The following BAZ1A variants were observed in gnomAD, a reference collection of about 807,000 sequenced individuals.
BAZ1A encodes the protein bromodomain adjacent to zinc finger domain 1A.
In BAZ1A, 50 loss-of-function variants were observed where a neutral mutation model predicts 185.2. The observed-to-expected ratio is 0.27, with a 90% CI of 0.22 to 0.34. The LOEUF (loss-of-function observed/expected upper bound fraction) is 0.34. BAZ1A is among the 10% of genes least tolerant of loss of function. BAZ1A has a pLI of 1.00. For missense variants in BAZ1A, 1,356 were observed against 1,839.9 expected (o/e 0.74, Z 4.81); for synonymous variants, 571 against 615.6 (o/e 0.93, Z 1.07).
At position 34,829,267 on chromosome 14, in the gene BAZ1A, G is replaced by GA. The variant is rs60176426; in HGVS notation, c.393-3112dup. ...GGCAACAGAGTGAGACTCTGTCTCTGAAAAAAAAAAAAAAAAAAAAAAAAG... is the reference window on the plus strand; with the variant it reads ...GGCAACAGAGTGAGACTCTGTCTCTGAAAAAAAAAAAAAAAAAAAAAAAAAG... On this transcript the variant is annotated intron_variant, in intron 3 of 26. Transcript: ENST00000360310. Among the ~76,000 whole-genome samples the GA allele has an allele frequency of 7.5e-3, 648 of 86,148 alleles. 9 individuals carry two copies. Among genetic ancestry groups the GA allele is most frequent in the East Asian group, 0.02 (58 of 2,898 alleles). 56.5% of individuals were successfully genotyped at this position (86,148 alleles called of 152,430 possible). A position where few individuals can be genotyped will look rare whatever the true frequency, so the allele number is the denominator to read the frequency against.
chr14:34,817,606 AAAC>A (rs2042026183), intron 4 of BAZ1A, among the ~76,000 whole-genome samples: 2 of 152,174 alleles, frequency 1.3e-5, no homozygotes, highest in East Asian at 1.9e-4. Context: ...AAACAAAACA[AAAC>A]AACAACAAAA....
chr14:34,832,203 C>T (rs1445494152), intron 3 of BAZ1A, among the ~76,000 whole-genome samples: 4 of 76,034 alleles, frequency 5.3e-5, no homozygotes, highest in Non-Finnish European at 1.2e-4. Flanking sequence ...CACACACACA[C>T]ACACACACAC....
rs542523340 is a variant in BAZ1A at position 34,786,603 on chromosome 14, G to GTTTTTTTTTTTTTTTTTTTTT, written c.1511-383_1511-382insAAAAAAAAAAAAAAAAAAAAA. 16 of 106,862 alleles carry GTTTTTTTTTTTTTTTTTTTTT rather than the reference G, an allele frequency of 1.5e-4. 4 individuals carry two copies. Among genetic ancestry groups the GTTTTTTTTTTTTTTTTTTTTT allele is most frequent in the East Asian group, 3.4e-4 (1 of 2,962 alleles). 6.6% of individuals were successfully genotyped at this position (106,862 alleles called of 1,614,324 possible). On this transcript the variant is annotated intron_variant, in intron 12 of 26. Coordinates refer to ENST00000360310, the MANE Select transcript of BAZ1A (RefSeq NM_013448.3). ...TTAAAGATACTCCAATCTTTTATGT[G>GTTTTTTTTTTTTTTTTTTTTT]TGTTTTTTTTTTTTTTTTTTTTGAG...
At position 34,802,988 on chromosome 14, in the gene BAZ1A, C is replaced by A. The variant is rs984697798; in HGVS notation, c.727G>T (p.Ala243Ser). The A allele has an allele frequency of 1.2e-6, 2 of 1,608,656 alleles. No individual in the cohort carries two copies. Among genetic ancestry groups the A allele is most frequent in the South Asian group, 1.1e-5 (1 of 90,890 alleles). Reference protein sequence around the residue: ...EPQDGVIKIKASSLSTYKIAE... With the variant: ...EPQDGVIKIKSSSLSTYKIAE... ...ATTTTATACGTTGAAAGAGATGATG[C>A]CTTAATAAAACAAAGACATAGGGTA... Residue 243 changes from alanine (A) to serine (S), a missense_variant and splice_region_variant, in exon 7 of 27, where the codon GCA becomes TCA. Ala to Ser is a moderately conservative substitution (Grantham distance 99, BLOSUM62 1). This residue lies in a region of BAZ1A where 332 missense variants were observed against 395.3 expected (regional missense o/e 0.84). Coordinates refer to ENST00000360310, the MANE Select transcript of BAZ1A (RefSeq NM_013448.3).
chr14:34,868,141 C>T (rs774116703), intron 2 of BAZ1A, among the ~76,000 whole-genome samples: 1 of 152,206 alleles, frequency 6.6e-6, no homozygotes, highest in Non-Finnish European at 1.5e-5. Context: ...TGCCCTCCAC[C>T]TGTTTTTGTA....
At chr14:34,856,437 T>C (rs930929507) in intron 3 of BAZ1A, among the ~76,000 whole-genome samples, 24 of 152,206 alleles carry the variant, frequency 1.6e-4, no homozygotes, top group African/African-American at 5.8e-4. Flanking sequence ...GCACATGCCA[T>C]CATGCCTGGC....
intron 2 of BAZ1A, among the ~76,000 whole-genome samples, chr14:34,872,672 T>C (rs1472118692): frequency 6.6e-6 from 1 of 152,074 alleles, no homozygotes; most frequent in Non-Finnish European, 1.5e-5. Flanking sequence ...ATTTCAGCAA[T>C]TCAGATTTCT....
chr14:34,832,209 C>T (rs1304274364), intron 3 of BAZ1A, among the ~76,000 whole-genome samples: 34 of 63,972 alleles, frequency 5.3e-4, no homozygotes, highest in South Asian at 2.9e-3. Context: ...CACACACACA[C>T]ACACACATAT....
At position 34,874,073 on chromosome 14, in the gene BAZ1A, G is replaced by A. The variant is rs538684292; in HGVS notation, c.113+419C>T. Among the ~76,000 whole-genome samples the A allele has an allele frequency of 6.6e-6, 1 of 152,222 alleles. No individual in the cohort carries two copies. The highest frequency in any genetic ancestry group is 1.9e-4 in the East Asian group (1 of 5,152). ...TTCCCTTCCCCGGCCCAGGGACTGC[G>A]GCCCCACGTCGCTGACCCTAGCGGG... On this transcript the variant is annotated intron_variant, in intron 2 of 26. Transcript: ENST00000360310. The surrounding 1 kb of genome is among the most constrained non-coding windows in gnomAD (Gnocchi z 4.7).
At chr14:34,845,219 CATTTT>C (rs976644975) in intron 3 of BAZ1A, 1 of 149,456 alleles carries the variant, frequency 6.7e-6, no homozygotes, top group Non-Finnish European at 1.5e-5. Context: ...CTACTCTTTT[CATTTT>C]ATTTAAAATT....
intron 3 of BAZ1A, among the ~76,000 whole-genome samples, chr14:34,843,119 TAAAAA>T (rs11389052): frequency 5.7e-5 from 8 of 141,286 alleles, no homozygotes; most frequent in African/African-American, 2.1e-4. Flanking sequence ...AGGGACTGGC[TAAAAA>T]AAAAAAAAAG....
intron 4 of BAZ1A, among the ~76,000 whole-genome samples, chr14:34,817,545 G>A (rs1053280755): frequency 6.6e-6 from 1 of 152,204 alleles, no homozygotes; most frequent in African/African-American, 2.4e-5. Context: ...CCAAGATTGC[G>A]CTGTTGCGCA....
intron 18 of BAZ1A, among the ~76,000 whole-genome samples, chr14:34,774,857 T>A (rs1291764604): frequency 6.6e-6 from 1 of 152,064 alleles, no homozygotes; most frequent in Non-Finnish European, 1.5e-5. Flanking sequence ...AATTTAAAAA[T>A]GGGCAAAGGA....
chr14:34,755,114 G>GCT (rs971019302), intron 25 of BAZ1A, among the ~76,000 whole-genome samples, 200 bp from the exon 26 acceptor site: 2 of 151,354 alleles, frequency 1.3e-5, no homozygotes, highest in African/African-American at 4.9e-5. Flanking sequence ...TAGATATCGC[G>GCT]CTCTCTCTAT....
At chr14:34,804,125 AG>A (rs1881725433) in intron 6 of BAZ1A, among the ~76,000 whole-genome samples, 1 of 152,130 alleles carries the variant, frequency 6.6e-6, no homozygotes, top group African/African-American at 2.4e-5. Context: ...CTCCTGCCTC[AG>A]TCTCCGGAGT....
chr14:34,811,105 A>G (rs2041924069), intron 4 of BAZ1A, 69 bp from the exon 5 acceptor site: 1 of 1,113,040 alleles, frequency 9.0e-7, no homozygotes, highest in South Asian at 1.4e-5. Flanking sequence ...ATGAAAACCT[A>G]GTTTCTAAGA....
chr14:34,753,296 CATCT>C lies in BAZ1A; in HGVS notation c.*208_*211del, dbSNP rs1486612894. On this transcript the variant is annotated 3_prime_UTR_variant, in exon 27 of 27. Coordinates refer to ENST00000360310, the MANE Select transcript of BAZ1A (RefSeq NM_013448.3). Reference sequence around the variant, plus strand: ...CTGTAAACCAGTACTGTATCCAATACATCTATCAAACTTATTAGATACTGAACAA... The same window carrying C: ...CTGTAAACCAGTACTGTATCCAATACATCAAACTTATTAGATACTGAACAA... 1 of 539,846 alleles carries C rather than the reference CATCT, an allele frequency of 1.9e-6. No homozygotes were observed. The highest frequency in any genetic ancestry group is 3.3e-6 in the Non-Finnish European group (1 of 304,998). The allele number at this position is 539,846 out of a possible 1,614,324, so 33.4% of individuals were successfully genotyped here. A position where few individuals can be genotyped will look rare whatever the true frequency, so the allele number is the denominator to read the frequency against.
intron 3 of BAZ1A, among the ~76,000 whole-genome samples, chr14:34,860,537 CA>C (rs377519796): frequency 3.8e-4 from 34 of 88,378 alleles, no homozygotes; most frequent in Non-Finnish European, 5.6e-4. Context: ...AAAAAAAAAG[CA>C]AAAAAAAAAA....
chr14:34,845,214 CTT>C (rs763569290), intron 3 of BAZ1A: 6 of 148,338 alleles, frequency 4.0e-5, no homozygotes, highest in Admixed American at 2.0e-4. Context: ...TTTTACTACT[CTT>C]TTCATTTTAT....
Sources: allele counts gnomAD v4.1 joint callset (sites outside exome capture counted in the v4.1 genomes callset), GRCh38; gene constraint gnomAD v4.1.1; regional missense constraint gnomAD v4.1.1; non-coding constraint Gnocchi (gnomAD v3.1); transcripts MANE v1.5; gene names NCBI Gene and HGNC (gene_info 2026-07-23, HGNC 2026-07-21).